Variants in ATG7 observed in about 807,000 individuals in gnomAD.
ATG7 encodes ubiquitin-like modifier-activating enzyme ATG7.
In ATG7, 70 loss-of-function variants were observed where a neutral mutation model predicts 82.4. That is an observed-to-expected ratio of 0.85 (90% CI 0.70 to 1.04). The LOEUF (loss-of-function observed/expected upper bound fraction) is 1.04, where lower values mean the gene tolerates loss of function less well. ATG7 is among the 50% of genes least tolerant of loss of function. The pLI is 0.00. For synonymous variants in ATG7, 287 were observed against 313.0 expected, an observed-to-expected ratio of 0.92 and a Z score of 0.88; for missense variants, 792 against 864.3, an observed-to-expected ratio of 0.92 and a Z score of 1.05.
rs74535069 is a variant in ATG7, at chr3:11,530,474, G to T, written c.2080-24337G>T. Among the ~76,000 whole-genome samples, 2,838 of 152,260 alleles carry T rather than the reference G, an allele frequency of 0.019. 173 individuals are homozygous for T. In the East Asian group the frequency reaches 0.2, roughly 11 times the overall value. ...AAACTTGGATGCTGAATTGGGAAAT[G>T]ATGATTTGCTTTAAAGAAATGCAAG... On this transcript the variant is annotated intron_variant, in intron 20 of 20. Coordinates refer to ENST00000693202, the MANE Select transcript of ATG7 (RefSeq NM_001349232.2).
At chr3:11,481,653 A>C (rs2088992754) in intron 20 of ATG7, among the ~76,000 whole-genome samples, 1 of 152,186 alleles carries the variant, frequency 6.6e-6, no homozygotes. Flanking sequence ...CTTGGACTTA[A>C]TGTCAGCACC....
chr3:11,465,643 T>TA lies in ATG7; in HGVS notation c.2079+38718dup, dbSNP rs74339933. On this transcript the variant is annotated intron_variant, in intron 20 of 20. Transcript: ENST00000693202. ...AGCTGGGCGTGGTGGCACACACCTGTAGTCCTAGCTACTTGGAGAACTGAG... is the reference window on the plus strand; with the variant it reads ...AGCTGGGCGTGGTGGCACACACCTGTAAGTCCTAGCTACTTGGAGAACTGAG... Among the ~76,000 whole-genome samples, 153 of 152,128 alleles carry TA rather than the reference T, an allele frequency of 1.0e-3. 5 individuals are homozygous for TA. In the East Asian group the frequency reaches 0.017, roughly 17 times the overall value.
At chr3:11,315,575 T>A in intron 9 of ATG7, 82 bp downstream of exon 9, 1 of 1,246,942 alleles carries the variant, frequency 8.0e-7, no homozygotes, top group Non-Finnish European at 1.1e-6. Flanking sequence ...CACTGCAAAA[T>A]TCAAACTTGT....
chr3:11,379,430 A>G (rs2077701028), intron 18 of ATG7, among the ~76,000 whole-genome samples: 1 of 152,228 alleles, frequency 6.6e-6, no homozygotes, highest in Admixed American at 6.5e-5. Context: ...CTGTTTCCCC[A>G]TAAATCTGAT....
intron 5 of ATG7, among the ~76,000 whole-genome samples, chr3:11,301,767 C>T (rs1946822164): frequency 6.6e-6 from 1 of 152,156 alleles, no homozygotes; most frequent in Admixed American, 6.5e-5. Flanking sequence ...GGGGGAGCAT[C>T]AACAGTCTGT....
intron 19 of ATG7, among the ~76,000 whole-genome samples, chr3:11,396,946 CT>C (rs2079347615): frequency 6.6e-6 from 1 of 151,466 alleles, no homozygotes; most frequent in African/African-American, 2.4e-5. Context: ...AACTGATAGA[CT>C]AAACAGTAAA....
chr3:11,448,758 G>A (rs936225653), intron 20 of ATG7, among the ~76,000 whole-genome samples: 2 of 152,170 alleles, frequency 1.3e-5, no homozygotes, highest in Non-Finnish European at 2.9e-5. Context: ...AGGCAACAGA[G>A]GCATCAGTAA....
intron 19 of ATG7, among the ~76,000 whole-genome samples, chr3:11,396,062 T>C (rs1285304058): frequency 6.6e-6 from 1 of 151,362 alleles, no homozygotes; most frequent in Non-Finnish European, 1.5e-5. Context: ...AGGACTTTTA[T>C]TGGGTCTTCT....
intron 14 of ATG7, among the ~76,000 whole-genome samples, chr3:11,349,343 A>G (rs1387454193): frequency 6.6e-6 from 1 of 152,200 alleles, no homozygotes; most frequent in Non-Finnish European, 1.5e-5. Context: ...GTTTGGGACC[A>G]GCCTGGGAGA....
chr3:11,332,334 A>G (rs1951770114), intron 10 of ATG7, among the ~76,000 whole-genome samples: 1 of 152,220 alleles, frequency 6.6e-6, no homozygotes, highest in Admixed American at 6.5e-5. Flanking sequence ...AGGCAAAACC[A>G]ATGTATGGAC....
chr3:11,510,223 C>G (rs1464587521), intron 20 of ATG7: 2 of 456,632 alleles, frequency 4.4e-6, no homozygotes, highest in East Asian at 1.4e-4. Flanking sequence ...ATGGCACCTT[C>G]CCCGCCCATC....
At chr3:11,341,797 T>A (rs78485478) in intron 12 of ATG7, among the ~76,000 whole-genome samples, 1 of 152,124 alleles carries the variant, frequency 6.6e-6, no homozygotes, top group East Asian at 1.9e-4. Flanking sequence ...GGGAGAAATT[T>A]CTGTTTTCAG....
intron 20 of ATG7, among the ~76,000 whole-genome samples, chr3:11,451,768 A>G (rs1272300753): frequency 4.8e-5 from 7 of 146,808 alleles, no homozygotes; most frequent in Non-Finnish European, 1.5e-5. Flanking sequence ...TTACGTGTAT[A>G]TATATGTTTA....
chr3:11,411,619 CAAAAAAAAAAA>C (rs71055868), intron 19 of ATG7, among the ~76,000 whole-genome samples: 25,303 of 73,176 alleles, frequency 0.35, 3,626 homozygotes, highest in South Asian at 0.56. Flanking sequence ...ACTCTGTCTC[CAAAAAAAAAAA>C]AAAAAAAAAA....
At chr3:11,505,054 G>T (rs1267405364) in intron 20 of ATG7, among the ~76,000 whole-genome samples, 1 of 152,192 alleles carries the variant, frequency 6.6e-6, no homozygotes, top group African/African-American at 2.4e-5. Context: ...TTAACATACA[G>T]AGGTAACTAA....
At chr3:11,444,071 T>C (rs775373179) in intron 20 of ATG7, among the ~76,000 whole-genome samples, 29 of 152,208 alleles carry the variant, frequency 1.9e-4, no homozygotes, top group Non-Finnish European at 1.5e-4. Flanking sequence ...TCAAACAGAA[T>C]TATGCTATAA....
At chr3:11,457,773 C>G (rs2152993953) in intron 20 of ATG7, among the ~76,000 whole-genome samples, 1 of 152,218 alleles carries the variant, frequency 6.6e-6, no homozygotes, top group South Asian at 2.1e-4. Flanking sequence ...TAAATTAATA[C>G]ATTGGTTATG....
At chr3:11,380,095 C>CG (rs1294941337) in intron 19 of ATG7, 43 bp downstream of exon 19, 2 of 1,583,702 alleles carry the variant, frequency 1.3e-6, no homozygotes, top group African/African-American at 2.7e-5. Flanking sequence ...TAAAAGTGAG[C>CG]GGGTCAGCAT....
rs140804067 is a variant in ATG7, at chr3:11,329,481, T to C, written c.679-1859T>C. On this transcript the variant is annotated intron_variant, in intron 9 of 20. Transcript: ENST00000693202. Reference sequence around the variant, plus strand: ...GCCAGCAATTTCCCTCCCTCACCCCTACTCACTCTACATCCTTCCTTTCTT... The same window carrying C: ...GCCAGCAATTTCCCTCCCTCACCCCCACTCACTCTACATCCTTCCTTTCTT... Among the ~76,000 whole-genome samples, 18 of 152,302 alleles carry C rather than the reference T, an allele frequency of 1.2e-4. No homozygotes were observed. The South Asian group carries it at 2.3e-3, about 19-fold the overall frequency.
Sources: gnomAD v4.1 joint callset for allele counts (sites outside exome capture counted in the v4.1 genomes callset) on GRCh38, gnomAD v4.1.1 for gene constraint, MANE v1.5 for transcripts, NCBI Gene and HGNC (gene_info 2026-07-23, HGNC 2026-07-21) for gene names.